Variants in TRAK1 observed in about 807,000 individuals in gnomAD.
TRAK1 encodes trafficking kinesin-binding protein 1.
A neutral mutation model predicts 92.1 loss-of-function variants in TRAK1; 33 were observed. The observed-to-expected ratio is 0.36, with a 90% CI of 0.27 to 0.48. The LOEUF is 0.48. TRAK1 is among the 20% of genes least tolerant of loss of function. The pLI is 0.99. For synonymous variants in TRAK1, 521 were observed against 517.3 expected, an observed-to-expected ratio of 1.01 and a Z score of -0.10; for missense variants, 1,123 against 1,257.9, an observed-to-expected ratio of 0.89 and a Z score of 1.62.
Position 42,194,826 on chromosome 3 carries a change from A to G in TRAK1, c.998A>G (p.Tyr333Cys), listed in dbSNP as rs1706358006. 6.2e-7 allele frequency: 1 copy of G among 1,613,680 alleles called. No individual in the cohort carries two copies. Among genetic ancestry groups the G allele is most frequent in the African/African-American group, 1.3e-5 (1 of 74,918 alleles). The change falls in exon 10 of 16, where the codon TAC (tyrosine) becomes TGC (cysteine). Residue 333 changes from tyrosine to cysteine, a missense_variant. Transcript: ENST00000327628. ...TAELRELEDK[Y>C]AECMEMLHEA... ...CAGCTGCGTGAGCTGGAGGACAAGT[A>G]CGCAGAGTGCATGGAGATGCTGCAT...
At position 42,169,488 on chromosome 3, in the gene TRAK1, G is replaced by A. The variant is rs1553744892; in HGVS notation, c.287-7326G>A. On this transcript the variant is annotated intron_variant, in intron 2 of 15. Coordinates refer to ENST00000327628, the MANE Select transcript of TRAK1 (RefSeq NM_001042646.3). ...ACTTAGGAGACTTTAAAAAGTCTTC[G>A]TGACCTTAGGCAATTCACCTGACTT... Among the ~76,000 whole-genome samples, 828 of 152,062 alleles carry A rather than the reference G, an allele frequency of 5.4e-3. 14 individuals carry two copies. The highest frequency in any genetic ancestry group is 0.019 in the African/African-American group (791 of 41,456).
chr3:42,104,296 G>C (rs897078304), intron 1 of TRAK1, among the ~76,000 whole-genome samples: 4 of 152,252 alleles, frequency 2.6e-5, no homozygotes, highest in African/African-American at 9.6e-5. Flanking sequence ...AAAGGCAGCA[G>C]AAACTTCTGC....
At chr3:42,124,951 G>T (rs1021930509) in intron 1 of TRAK1, among the ~76,000 whole-genome samples, 1 of 152,154 alleles carries the variant, frequency 6.6e-6, no homozygotes, top group African/African-American at 2.4e-5. Flanking sequence ...TGGAAGGAAG[G>T]AAGTGTGGAT....
intron 2 of TRAK1, among the ~76,000 whole-genome samples, chr3:42,164,180 C>T (rs1338275214): frequency 6.6e-6 from 1 of 152,194 alleles, no homozygotes; most frequent in East Asian, 1.9e-4. Context: ...AGCAGAAATA[C>T]TCTGTGAGTA....
In TRAK1 at chr3:42,209,814, GGGGGCATCCTGGA is replaced by G; in HGVS notation, c.1793_1805del (p.Gly598AlafsTer41). The G allele has an allele frequency of 6.2e-7, 1 of 1,614,048 alleles. No individual in the cohort carries two copies. On this transcript the variant is annotated frameshift_variant, in exon 14 of 16. Transcript: ENST00000327628. LOFTEE classifies it high-confidence loss of function. ...GCAGCAGTTGGCCCAACCTCACCTT[GGGGGCATCCTGGA>G]CCCCCGGCCCGGTGTGGTCACCAAG... is the stretch of plus-strand genomic sequence containing the variant.
intron 1 of TRAK1, among the ~76,000 whole-genome samples, chr3:42,093,649 C>CCCCTTCCCTTCCCTTCCCATCCCTT (rs1553713244): frequency 9.9e-5 from 4 of 40,598 alleles, no homozygotes; most frequent in African/African-American, 4.2e-4. Flanking sequence ...TCTTTTTTCT[C>CCCCTTCCCTTCCCTTCCCATCCCTT]CCCTTCCCTT....
At chr3:42,054,774 T>A (rs2148918071) in intron 1 of TRAK1, among the ~76,000 whole-genome samples, 1 of 152,246 alleles carries the variant, frequency 6.6e-6, no homozygotes, top group East Asian at 1.9e-4. Flanking sequence ...GAAAGTTGAA[T>A]CATTTTCCAT....
At chr3:42,102,293 C>T (rs958975729) in intron 1 of TRAK1, among the ~76,000 whole-genome samples, 6 of 152,218 alleles carry the variant, frequency 3.9e-5, no homozygotes, top group Admixed American at 6.5e-5. Flanking sequence ...GCCAAAATCT[C>T]ATTTTACCTA....
At chr3:42,206,161 G>A (rs1010657028) in intron 13 of TRAK1, among the ~76,000 whole-genome samples, 2 of 152,188 alleles carry the variant, frequency 1.3e-5, no homozygotes, top group Non-Finnish European at 2.9e-5. Context: ...TCAAAGGAAG[G>A]ACTCCAGGCA....
intron 2 of TRAK1, among the ~76,000 whole-genome samples, chr3:42,135,202 TA>T (rs1697793360): frequency 6.6e-6 from 1 of 152,220 alleles, no homozygotes; most frequent in Admixed American, 6.5e-5. Context: ...TCATTTCACC[TA>T]CTGTCCCCTG....
At chr3:42,095,250 A>G (rs1705730415) in intron 1 of TRAK1, among the ~76,000 whole-genome samples, 1 of 152,136 alleles carries the variant, frequency 6.6e-6, no homozygotes, top group Non-Finnish European at 1.5e-5. Context: ...CACAGCTCTG[A>G]GGTGGGTACT....
intron 1 of TRAK1, among the ~76,000 whole-genome samples, chr3:42,019,635 G>A (rs1701659169): frequency 6.6e-6 from 1 of 152,060 alleles, no homozygotes; most frequent in South Asian, 2.1e-4. Context: ...CATTCTGTAA[G>A]CTCTCAGTTT....
At chr3:42,150,341 C>A (rs1360006990) in intron 2 of TRAK1, among the ~76,000 whole-genome samples, 1 of 152,188 alleles carries the variant, frequency 6.6e-6, no homozygotes, top group African/African-American at 2.4e-5. Context: ...GGTGCGTTCT[C>A]AGAGACATCA....
chr3:42,158,486 T>G (rs1700820201), intron 2 of TRAK1, among the ~76,000 whole-genome samples: 1 of 152,116 alleles, frequency 6.6e-6, no homozygotes, highest in African/African-American at 2.4e-5. Flanking sequence ...TAATATTAAA[T>G]AAGTATTTTT....
At chr3:42,215,601 T>C (rs2149528007) in intron 14 of TRAK1, among the ~76,000 whole-genome samples, 1 of 152,110 alleles carries the variant, frequency 6.6e-6, no homozygotes, top group Non-Finnish European at 1.5e-5. Context: ...CATGCTTAAG[T>C]CAAGGAAAGA....
chr3:42,210,243 C>T lies in TRAK1; in HGVS notation c.1963+258C>T, dbSNP rs144780029. On this transcript the variant is annotated intron_variant, in intron 14 of 15. Transcript: ENST00000327628. ...TGGTTCTCTGTCTGTAGCTTCCGCT[C>T]GTCTGTGTGGGTGATGATTAAAGCA... The T allele has an allele frequency of 5.2e-5, 80 of 1,527,288 alleles. No homozygotes were observed. The highest frequency in any genetic ancestry group is 2.5e-4 in the East Asian group (11 of 44,244). 94.6% of individuals were successfully genotyped at this position (1,527,288 alleles called of 1,614,324 possible).
At chr3:42,150,632 C>T in intron 2 of TRAK1, among the ~76,000 whole-genome samples, 1 of 152,134 alleles carries the variant, frequency 6.6e-6, no homozygotes, top group South Asian at 2.1e-4. Context: ...AATGATGTAA[C>T]AGGCTGGGAC....
chr3:42,152,660 G>T (rs898528520), intron 2 of TRAK1, among the ~76,000 whole-genome samples: 20 of 152,202 alleles, frequency 1.3e-4, no homozygotes, highest in Non-Finnish European at 7.3e-5. Flanking sequence ...GGCTGGAAAA[G>T]AATTATTTAG....
At chr3:42,084,345 A>G (rs1704572266), upstream of TRAK1, among the ~76,000 whole-genome samples, 2 of 152,160 alleles carry the variant, frequency 1.3e-5, no homozygotes, top group Admixed American at 1.3e-4. Flanking sequence ...TGCACCTGTA[A>G]TCCCAGCTAC....
Sources: allele counts gnomAD v4.1 joint callset (sites outside exome capture counted in the v4.1 genomes callset), GRCh38; gene constraint gnomAD v4.1.1; transcripts MANE v1.5; gene names NCBI Gene and HGNC (gene_info 2026-07-23, HGNC 2026-07-21).